The following CFAP20DC variants were observed in gnomAD, a reference collection of about 807,000 sequenced individuals.
The protein encoded by CFAP20DC is protein CFAP20DC.
CFAP20DC carries 84 observed loss-of-function variants against 101.7 expected under a neutral mutation model. The observed-to-expected ratio is 0.83, with a 90% confidence interval of 0.69 to 0.99. The LOEUF (loss-of-function observed/expected upper bound fraction) is 0.99. Ranked by LOEUF, CFAP20DC falls within the 50% of genes least tolerant of loss-of-function variation. The pLI, the probability that CFAP20DC is intolerant of heterozygous loss-of-function variation, is 0.00. For missense variants in CFAP20DC, 1,007 were observed against 970.3 expected (o/e 1.04, Z -0.50); for synonymous variants, 359 against 351.2 (o/e 1.02, Z -0.25).
At chr3:58,986,709 T>G (rs966143577) in intron 4 of CFAP20DC, among the ~76,000 whole-genome samples, 5 of 152,138 alleles carry the variant, frequency 3.3e-5, no homozygotes, top group Non-Finnish European at 5.9e-5. Context: ...TAAAAACTCG[T>G]TCTATGTCAG....
At chr3:58,857,867 C>G (rs1441879956) in intron 12 of CFAP20DC, among the ~76,000 whole-genome samples, 1 of 152,134 alleles carries the variant, frequency 6.6e-6, no homozygotes, top group African/African-American at 2.4e-5. Context: ...GAAGAAGAGG[C>G]ATGCTTTTGC....
intron 4 of CFAP20DC, among the ~76,000 whole-genome samples, chr3:59,036,207 A>T (rs1297448987): frequency 6.6e-6 from 1 of 152,196 alleles, no homozygotes; most frequent in African/African-American, 2.4e-5. Context: ...GAATGGTCAA[A>T]AGCTGGAAGC....
intron 5 of CFAP20DC, among the ~76,000 whole-genome samples, chr3:58,932,747 T>C (rs974574715): frequency 2.6e-5 from 4 of 152,262 alleles, no homozygotes; most frequent in South Asian, 2.1e-4. Context: ...ACCACCAAGC[T>C]TGCCCTAAAA....
rs4377500 is a variant in CFAP20DC, at chr3:58,873,374, G to T, written c.716-3065C>A. ...ATGCTGTAAGGCAGCTGTTCAAGCA[G>T]AATTCCGGATAGCTATTCTGGATGC... On this transcript the variant is annotated intron_variant, in intron 7 of 16. Coordinates refer to ENST00000482387, the MANE Select transcript of CFAP20DC (RefSeq NM_001394063.1). Among the ~76,000 whole-genome samples the T allele has an allele frequency of 1.2e-4, 18 of 150,808 alleles. No homozygotes were observed. The East Asian group carries it at 3.4e-3, about 28-fold the overall frequency.
intron 14 of CFAP20DC, among the ~76,000 whole-genome samples, chr3:58,827,588 C>T (rs1055933865): frequency 2.0e-5 from 3 of 152,184 alleles, no homozygotes; most frequent in African/African-American, 7.2e-5. Context: ...GAATTCCAGT[C>T]CCCTCTTGTC....
chr3:59,049,577 G>GTATA, intron 1 of CFAP20DC, 34 bp downstream of exon 1: 1 of 1,529,782 alleles, frequency 6.5e-7, no homozygotes, highest in Non-Finnish European at 8.8e-7. Context: ...AGAGGAGAAA[G>GTATA]GTATAGACAG....
At chr3:58,774,274 G>T (rs2071120811) in intron 15 of CFAP20DC, among the ~76,000 whole-genome samples, 1 of 152,172 alleles carries the variant, frequency 6.6e-6, no homozygotes, top group African/African-American at 2.4e-5. Flanking sequence ...AAAGCTGAAT[G>T]TTAAACAGTA....
intron 14 of CFAP20DC, among the ~76,000 whole-genome samples, chr3:58,831,038 G>A (rs1027564703): frequency 1.3e-5 from 2 of 152,172 alleles, no homozygotes; most frequent in African/African-American, 4.8e-5. Context: ...GACCAGGTGT[G>A]GAAGCTTGGA....
At chr3:58,872,709 T>C (rs2080337142) in intron 7 of CFAP20DC, among the ~76,000 whole-genome samples, 1 of 152,184 alleles carries the variant, frequency 6.6e-6, no homozygotes, top group African/African-American at 2.4e-5. Flanking sequence ...GAGAAGAATT[T>C]ACTTCAGGAA....
At chr3:59,021,803 G>A (rs543175865) in intron 4 of CFAP20DC, among the ~76,000 whole-genome samples, 2 of 152,156 alleles carry the variant, frequency 1.3e-5, no homozygotes, top group African/African-American at 4.8e-5. Context: ...GTAGCTGCGG[G>A]GAAGAGAGAG....
In CFAP20DC at chr3:59,015,945, A is replaced by G. The variant is rs1391409970; in HGVS notation, c.278+23612T>C. On this transcript the variant is annotated intron_variant, in intron 4 of 16. Transcript: ENST00000482387. The surrounding 1 kb of genome is among the most constrained non-coding windows in gnomAD (Gnocchi z 5.4). ...ACATTTCCATATCTAAGCAGTACCA[A>G]TGGATGCCCAGGCTGGGACAAAATG... Among the ~76,000 whole-genome samples the G allele has an allele frequency of 6.6e-6, 1 of 152,118 alleles. No homozygotes were observed. Among genetic ancestry groups the G allele is most frequent in the Non-Finnish European group, 1.5e-5 (1 of 68,000 alleles).
intron 13 of CFAP20DC, among the ~76,000 whole-genome samples, chr3:58,844,692 A>C (rs2077461609): frequency 7.7e-6 from 1 of 129,136 alleles, no homozygotes; most frequent in Non-Finnish European, 1.5e-5. Context: ...TCTCCACCCC[A>C]AATCAACAGA....
Position 58,731,632 on chromosome 3 carries a change from G to T in CFAP20DC, c.198-14004C>A, listed in dbSNP as rs577867209. Among the ~76,000 whole-genome samples the T allele has an allele frequency of 2.6e-4, 39 of 152,296 alleles. No homozygotes were observed. In the South Asian group the frequency reaches 8.1e-3, roughly 32 times the overall value. On this transcript the variant is annotated intron_variant, in intron 3 of 3. Transcript: ENST00000486145. ...ATTCATAGGTAATAAGAAGAATGCT[G>T]CTAATATGCAAAAATATCAATAACC...
intron 14 of CFAP20DC, among the ~76,000 whole-genome samples, chr3:58,809,987 C>A (rs1040581621): frequency 6.6e-6 from 1 of 152,098 alleles, no homozygotes; most frequent in Non-Finnish European, 1.5e-5. Flanking sequence ...CATACACCAT[C>A]CCACGACTAA....
Position 59,049,898 on chromosome 3 carries a change from G to C in CFAP20DC, c.-267C>G, listed in dbSNP as rs915141040. 1.8e-5 allele frequency: 10 copies of C among 553,268 alleles called. No homozygotes were observed. Among genetic ancestry groups the C allele is most frequent in the African/African-American group, 1.7e-4 (9 of 52,262 alleles). 34.3% of individuals were successfully genotyped at this position (553,268 alleles called of 1,614,324 possible). ...GGGCGCAGCTGCCTGGACGGACTCC[G>C]GGCCGTCCCTGGGGAGTGATTGTGT... On this transcript the variant is annotated 5_prime_UTR_variant, in exon 1 of 17. Coordinates refer to ENST00000482387, the MANE Select transcript of CFAP20DC (RefSeq NM_001394063.1).
chr3:58,719,547 A>G lies in CFAP20DC; in HGVS notation c.198-1919T>C, dbSNP rs139812795. Among the ~76,000 whole-genome samples, 927 of 152,334 alleles carry G rather than the reference A, an allele frequency of 6.1e-3. 10 individuals carry two copies. Among genetic ancestry groups the G allele is most frequent in the African/African-American group, 0.022 (899 of 41,574 alleles). ...TGTTCTACCCAGATTTTTCAGCTAC[A>G]ATTTTTTTAAGTGTCCTTTTGGGAA... On this transcript the variant is annotated intron_variant, in intron 3 of 3. Coordinates refer to the CFAP20DC transcript ENST00000486145.
intron 6 of CFAP20DC, among the ~76,000 whole-genome samples, chr3:58,910,749 T>C (rs962882691): frequency 1.3e-5 from 2 of 152,158 alleles, no homozygotes; most frequent in Non-Finnish European, 2.9e-5. Flanking sequence ...ATTGGTAGCA[T>C]TTCCATCCTA....
intron 14 of CFAP20DC, among the ~76,000 whole-genome samples, chr3:58,822,233 C>A (rs913862176): frequency 6.7e-6 from 1 of 149,992 alleles, no homozygotes; most frequent in East Asian, 2.0e-4. Context: ...CAGCATGGCA[C>A]ATGTATACAT....
rs577790915 is a variant in CFAP20DC at position 58,866,545 on chromosome 3, T to C, written c.1258+21A>G. 8.8e-5 allele frequency: 138 copies of C among 1,574,384 alleles called. 1 individual carries two copies. In the South Asian group the frequency reaches 1.3e-3, roughly 14 times the overall value. On this transcript the variant is annotated intron_variant, in intron 11 of 16. Transcript: ENST00000482387. ...ACATTTTATTCATTATTAACAGATA[T>C]GGTGTAATAAAGATGCCAACCTGAT...
Sources: gnomAD v4.1 joint callset for allele counts (sites outside exome capture counted in the v4.1 genomes callset) on GRCh38, gnomAD v4.1.1 for gene constraint, Gnocchi (gnomAD v3.1) non-coding constraint, MANE v1.5 for transcripts, NCBI Gene and HGNC (gene_info 2026-07-23, HGNC 2026-07-21) for gene names.